Variants in BCAS4 observed in about 807,000 individuals in gnomAD.
BCAS4 encodes the protein breast carcinoma amplified sequence 4.
BCAS4 carries 9 observed loss-of-function variants against 15.7 expected under a neutral mutation model. The observed-to-expected ratio is 0.57, with a 90% CI of 0.34 to 1.00. The LOEUF (loss-of-function observed/expected upper bound fraction) is 1.00, where lower values mean the gene tolerates loss of function less well. Among genes scored for constraint, BCAS4 ranks in the 50% least tolerant of loss-of-function variants. The probability of loss-of-function intolerance (pLI) is 0.02; values close to 1 mark genes in which losing one functional copy is unlikely to be tolerated. For synonymous variants in BCAS4, 101 were observed against 99.5 expected (o/e 1.02, Z -0.09); for missense variants, 225 against 239.1 (o/e 0.94, Z 0.39).
intron 4 of BCAS4, among the ~76,000 whole-genome samples, chr20:50,859,946 C>A (rs536517669): frequency 6.6e-6 from 1 of 152,182 alleles, no homozygotes; most frequent in South Asian, 2.1e-4. Flanking sequence ...TCGAGACCAG[C>A]CTGGGCAACA....
At chr20:50,850,040 C>T (rs569177432) in intron 4 of BCAS4, among the ~76,000 whole-genome samples, 1 of 152,290 alleles carries the variant, frequency 6.6e-6, no homozygotes, top group African/African-American at 2.4e-5. Flanking sequence ...GGACTTTAGG[C>T]TGATGACCTG....
At chr20:50,826,300 C>G (rs2088277081) in intron 2 of BCAS4, among the ~76,000 whole-genome samples, 1 of 152,076 alleles carries the variant, frequency 6.6e-6, no homozygotes, top group African/African-American at 2.4e-5. Flanking sequence ...GAGCGTGGAG[C>G]TGGGGTGAGA....
chr20:50,841,875 C>A lies in BCAS4; in HGVS notation c.374C>A (p.Ser125Tyr), dbSNP rs571438318. 1.8e-5 allele frequency: 28 copies of A among 1,596,162 alleles called. No individual in the cohort carries two copies. The highest frequency in any genetic ancestry group is 4.3e-6 in the Non-Finnish European group (5 of 1,169,732). ...CAGGCCCTGCGGAGGTGGCTGGGAT[C>A]CGCAGGGCTCCCCTCCTTCAGGAAC... ...FPQALRRWLG[S>Y]AGLPSFRNKS... Residue 125 changes from serine to tyrosine, a missense_variant, in exon 4 of 5, where the codon TCC becomes TAC. Transcript: ENST00000371608.
intron 4 of BCAS4, among the ~76,000 whole-genome samples, chr20:50,847,590 TAGAG>T (rs1338938812): frequency 3.3e-5 from 5 of 152,276 alleles, no homozygotes; most frequent in African/African-American, 1.2e-4. Context: ...AACTGAGGCA[TAGAG>T]AGGGTAAGTA....
chr20:50,829,296 G>A (rs2088314965), intron 2 of BCAS4, among the ~76,000 whole-genome samples: 1 of 152,098 alleles, frequency 6.6e-6, no homozygotes. Flanking sequence ...AGGCTGGAGT[G>A]CAATGGCTTG....
downstream of BCAS4, chr20:50,878,889 CA>C (rs1467247435): frequency 6.6e-6 from 1 of 152,234 alleles, no homozygotes; most frequent in Non-Finnish European, 1.5e-5. Flanking sequence ...GAGCAACCAA[CA>C]TTATCAGCAC....
At chr20:50,841,545 G>C (rs2088481649) in intron 3 of BCAS4, among the ~76,000 whole-genome samples, 1 of 152,142 alleles carries the variant, frequency 6.6e-6, no homozygotes, top group Admixed American at 6.5e-5. Flanking sequence ...GTCCCTATGG[G>C]GAAAAAGCAA....
chr20:50,851,095 C>G lies in BCAS4; in HGVS notation c.399+9195C>G, dbSNP rs1311097253. On this transcript the variant is annotated intron_variant, in intron 4 of 4. Coordinates refer to ENST00000371608, the MANE Select transcript of BCAS4 (RefSeq NM_198799.4). The surrounding 1 kb of genome is among the most constrained non-coding windows in gnomAD (Gnocchi z 4.3). ...TGGTGGGGGGTGCTGGGTCTCTCCC[C>G]TGCAGAATCCCCCTGCAGGAGGTGA... is the stretch of plus-strand genomic sequence containing the variant. Among the ~76,000 whole-genome samples the G allele has an allele frequency of 1.4e-5, 2 of 143,376 alleles. No homozygotes were observed. Among genetic ancestry groups the G allele is most frequent in the Non-Finnish European group, 3.0e-5 (2 of 66,180 alleles). 94.1% of individuals were successfully genotyped at this position (143,376 alleles called of 152,430 possible). A position where few individuals can be genotyped will look rare whatever the true frequency, so the allele number is the denominator to read the frequency against.
At chr20:50,866,817 T>C (rs1979381245) in intron 4 of BCAS4, among the ~76,000 whole-genome samples, 1 of 152,090 alleles carries the variant, frequency 6.6e-6, no homozygotes, top group Non-Finnish European at 1.5e-5. Context: ...GCTGAGTGGT[T>C]ATGGCCAAGT....
At chr20:50,862,664 G>A (rs1401395620) in intron 4 of BCAS4, among the ~76,000 whole-genome samples, 1 of 152,164 alleles carries the variant, frequency 6.6e-6, no homozygotes, top group Admixed American at 6.5e-5. Flanking sequence ...ACAGGGGACA[G>A]TCCAGGCCTT....
At chr20:50,837,628 A>G (rs2088425235) in intron 3 of BCAS4, among the ~76,000 whole-genome samples, 1 of 152,214 alleles carries the variant, frequency 6.6e-6, no homozygotes, top group Admixed American at 6.5e-5. Context: ...TGCAGCCACC[A>G]CATCCTGGCT....
intron 1 of BCAS4, among the ~76,000 whole-genome samples, chr20:50,812,418 G>A (rs1286091721): frequency 6.7e-6 from 1 of 148,762 alleles, no homozygotes; most frequent in Non-Finnish European, 1.5e-5. Flanking sequence ...ACAGGCGTGA[G>A]CTACTGCGTC....
At chr20:50,801,181 C>A (rs1221978022) in intron 1 of BCAS4, among the ~76,000 whole-genome samples, 1 of 152,058 alleles carries the variant, frequency 6.6e-6, no homozygotes, top group Non-Finnish European at 1.5e-5. Flanking sequence ...AATTCTAGCA[C>A]TTTGGGAGGC....
intron 1 of BCAS4, among the ~76,000 whole-genome samples, chr20:50,808,212 G>A (rs567034181): frequency 3.3e-5 from 5 of 152,204 alleles, no homozygotes; most frequent in Non-Finnish European, 7.4e-5. Flanking sequence ...GCGCCCGGCT[G>A]TGCCACATAT....
At chr20:50,812,423 T>A (rs2088080411) in intron 1 of BCAS4, among the ~76,000 whole-genome samples, 1 of 145,718 alleles carries the variant, frequency 6.9e-6, no homozygotes, top group Middle Eastern at 4.0e-3. Context: ...CGTGAGCTAC[T>A]GCGTCTGGCC....
chr20:50,824,977 C>T (rs1425339784), intron 2 of BCAS4, among the ~76,000 whole-genome samples: 1 of 152,080 alleles, frequency 6.6e-6, no homozygotes, highest in African/African-American at 2.4e-5. Context: ...ATCTGTAGAC[C>T]TCTGGTGTTA....
intron 4 of BCAS4, among the ~76,000 whole-genome samples, chr20:50,856,768 T>C (rs1313087750): frequency 3.9e-5 from 6 of 152,184 alleles, no homozygotes; most frequent in African/African-American, 1.2e-4. Flanking sequence ...GTGCCTGACA[T>C]GTGGCCTCCT....
chr20:50,822,604 A>G (rs1376579625), intron 2 of BCAS4, among the ~76,000 whole-genome samples: 1 of 150,870 alleles, frequency 6.6e-6, no homozygotes, highest in African/African-American at 2.4e-5. Flanking sequence ...AACTACAGCC[A>G]CTTTGGAAAA....
At chr20:50,794,900 G>A (rs1600836997), upstream of BCAS4, 2 of 869,426 alleles carry the variant, frequency 2.3e-6, no homozygotes, top group Non-Finnish European at 2.9e-6. Context: ...TCGCCACTGG[G>A]TGGCGCTGCC....
Sources: gnomAD v4.1 joint callset for allele counts (sites outside exome capture counted in the v4.1 genomes callset) on GRCh38, gnomAD v4.1.1 for gene constraint, Gnocchi (gnomAD v3.1) non-coding constraint, MANE v1.5 for transcripts, NCBI Gene and HGNC (gene_info 2026-07-23, HGNC 2026-07-21) for gene names.